MSH3: variants seen among roughly 807,000 people sequenced by gnomAD.
The protein encoded by MSH3 is DNA mismatch repair protein Msh3.
In MSH3, 106 loss-of-function variants were observed where a neutral mutation model predicts 123.3. That is an observed-to-expected ratio of 0.86 (90% CI 0.73 to 1.01). The LOEUF (loss-of-function observed/expected upper bound fraction) is 1.01, where lower values mean the gene tolerates loss of function less well. MSH3 is among the 50% of genes least tolerant of loss of function. The pLI is 0.00. For missense variants in MSH3, 1,459 were observed against 1,347.6 expected (o/e 1.08, Z -1.29); for synonymous variants, 515 against 481.4 (o/e 1.07, Z -0.91).
intron 15 of MSH3, 25 bp from the exon 16 acceptor site, chr5:80,775,669 C>T: frequency 7.7e-7 from 1 of 1,299,202 alleles, no homozygotes; most frequent in Non-Finnish European, 1.1e-6. Context: ...TTATCTAAAT[C>T]TCTGTTTATT....
rs201905480 is a variant in MSH3, at chr5:80,851,568, AG to A, written c.2814-2561del. Reference sequence around the variant, plus strand: ...TTAAGTGCTCATTATAATTACTGTAAGTTTTTTCTCAGTTTGTGGTTTGCCT... The same window carrying A: ...TTAAGTGCTCATTATAATTACTGTAATTTTTTCTCAGTTTGTGGTTTGCCT... On this transcript the variant is annotated intron_variant, in intron 20 of 23. Coordinates refer to ENST00000265081, the MANE Select transcript of MSH3 (RefSeq NM_002439.5). 4.9e-3 allele frequency among the ~76,000 whole-genome samples: 750 copies of A among 151,974 alleles called. 5 individuals carry two copies. The highest frequency in any genetic ancestry group is 5.4e-3 in the Non-Finnish European group (368 of 67,948).
intron 20 of MSH3, among the ~76,000 whole-genome samples, chr5:80,848,083 T>TA (rs1745756472): frequency 1.3e-5 from 2 of 152,068 alleles, no homozygotes; most frequent in Non-Finnish European, 2.9e-5. Flanking sequence ...ATACAAAAAA[T>TA]AAAAAATTAG....
intron 8 of MSH3, among the ~76,000 whole-genome samples, chr5:80,707,126 G>A (rs565277198): frequency 6.4e-4 from 97 of 152,334 alleles, no homozygotes; most frequent in African/African-American, 2.2e-3. Flanking sequence ...AGTGGAGTCA[G>A]TACAGTGCAT....
chr5:80,723,208 G>C (rs1172431033), intron 8 of MSH3, among the ~76,000 whole-genome samples: 1 of 152,132 alleles, frequency 6.6e-6, no homozygotes, highest in Non-Finnish European at 1.5e-5. Flanking sequence ...AAAGGGCCAG[G>C]AGTAGCCAAG....
chr5:80,711,843 A>C (rs535953940), intron 8 of MSH3, among the ~76,000 whole-genome samples: 1 of 151,992 alleles, frequency 6.6e-6, no homozygotes, highest in East Asian at 1.9e-4. Flanking sequence ...TAGTAGAGAC[A>C]GGGTTTCACC....
intron 20 of MSH3, among the ~76,000 whole-genome samples, chr5:80,825,793 ATTAC>A (rs1384476444): frequency 6.6e-6 from 1 of 152,214 alleles, no homozygotes. Flanking sequence ...TTTCATTTTT[ATTAC>A]TTAATGTCCT....
At chr5:80,739,575 G>C (rs1038918810) in intron 10 of MSH3, among the ~76,000 whole-genome samples, 1 of 152,192 alleles carries the variant, frequency 6.6e-6, no homozygotes, top group African/African-American at 2.4e-5. Flanking sequence ...ATAAATTGCT[G>C]TAATTCAAGA....
intron 13 of MSH3, among the ~76,000 whole-genome samples, chr5:80,766,094 G>A (rs979893735): frequency 2.6e-5 from 4 of 151,866 alleles, no homozygotes; most frequent in African/African-American, 9.7e-5. Context: ...CTTGTTTCAT[G>A]GTTGTAGTAT....
chr5:80,847,221 G>A (rs1745740719), intron 20 of MSH3, among the ~76,000 whole-genome samples: 1 of 151,980 alleles, frequency 6.6e-6, no homozygotes, highest in South Asian at 2.1e-4. Flanking sequence ...CACTACCCTT[G>A]CATAATTTCT....
chr5:80,830,856 AATTGAAAG>A (rs1269466618), intron 20 of MSH3, among the ~76,000 whole-genome samples: 1 of 152,216 alleles, frequency 6.6e-6, no homozygotes, highest in Non-Finnish European at 1.5e-5. Flanking sequence ...TTTCCACGGA[AATTGAAAG>A]ATTGCTACAG....
chr5:80,721,635 A>G (rs1751078956), intron 8 of MSH3, among the ~76,000 whole-genome samples: 1 of 152,150 alleles, frequency 6.6e-6, no homozygotes, highest in Non-Finnish European at 1.5e-5. Context: ...GGTTCTTAAT[A>G]TCTTGAGATG....
intron 20 of MSH3, among the ~76,000 whole-genome samples, chr5:80,849,358 G>C (rs1188163752): frequency 6.6e-6 from 1 of 152,134 alleles, no homozygotes; most frequent in African/African-American, 2.4e-5. Flanking sequence ...TCTTCTCACA[G>C]TTCCACTAGA....
rs1005641394 is a variant in MSH3, at chr5:80,876,283, A to C, written c.*421A>C. The C allele has an allele frequency of 8.9e-6, 2 of 223,588 alleles. No individual in the cohort carries two copies. The highest frequency in any genetic ancestry group is 1.5e-3 in the Middle Eastern group (1 of 682). The allele number at this position is 223,588 out of a possible 1,614,324, so 13.9% of individuals were successfully genotyped here. ...ATTTTATTATGCAACCAGTTTATCCACCAAGAACATAAGAATTTTTTATAA... is the reference window on the plus strand; with the variant it reads ...ATTTTATTATGCAACCAGTTTATCCCCCAAGAACATAAGAATTTTTTATAA... On this transcript the variant is annotated 3_prime_UTR_variant, in exon 24 of 24. Transcript: ENST00000265081.
In MSH3 at chr5:80,787,639, T is replaced by C; in HGVS notation, c.2510T>C (p.Leu837Pro). The C allele has an allele frequency of 6.2e-7, 1 of 1,613,934 alleles. No individual in the cohort carries two copies. The highest frequency in any genetic ancestry group is 8.5e-7 in the Non-Finnish European group (1 of 1,179,830). The part of the protein sequence containing the change: ...HLATVDCIFS[L>P]AKVAKQGDYC... ...GCAACTGTTGACTGCATTTTCTCCC[T>C]GGCCAAGGTCGCTAAGCAAGGAGAT... Residue 837 changes from leucine to proline, a missense_variant, in exon 18 of 24, where the codon CTG becomes CCG. By Grantham distance (98) the Leu-to-Pro change is moderately conservative. Coordinates refer to ENST00000265081, the MANE Select transcript of MSH3 (RefSeq NM_002439.5).
intron 20 of MSH3, among the ~76,000 whole-genome samples, chr5:80,840,737 C>T (rs1745606782): frequency 1.3e-5 from 2 of 151,536 alleles, no homozygotes; most frequent in South Asian, 4.2e-4. Context: ...TAATACTATC[C>T]CTCCCCCAGC....
chr5:80,811,072 C>T (rs970395610), intron 19 of MSH3, among the ~76,000 whole-genome samples: 4 of 152,004 alleles, frequency 2.6e-5, no homozygotes, highest in Admixed American at 6.5e-5. Context: ...TGTCCCCAAG[C>T]GTTTTGGATA....
chr5:80,857,649 T>G (rs1322848514), intron 21 of MSH3, among the ~76,000 whole-genome samples: 1 of 152,228 alleles, frequency 6.6e-6, no homozygotes, highest in East Asian at 1.9e-4. Flanking sequence ...TCAAGAAATT[T>G]TCACCAAGGT....
chr5:80,862,760 T>TA (rs906025326), intron 21 of MSH3, among the ~76,000 whole-genome samples: 57 of 146,332 alleles, frequency 3.9e-4, no homozygotes, highest in South Asian at 6.4e-4. Context: ...ACCCTGTCTC[T>TA]AAAAAAAAAA....
In MSH3 at chr5:80,678,890, A is replaced by AT. The variant is rs1749900875; in HGVS notation, c.1174-31dup. 5 of 1,612,532 alleles carry AT rather than the reference A, an allele frequency of 3.1e-6. No individual in the cohort carries two copies. The East Asian group carries it at 8.9e-5, about 29-fold the overall frequency. On this transcript the variant is annotated intron_variant, in intron 7 of 23. Transcript: ENST00000265081. ...GTTATAGCCATAACTGGGGAAATAC[A>AT]TTTTTTCTGTAACATTATATTTGTA...
Sources: gnomAD v4.1 joint callset for allele counts (sites outside exome capture counted in the v4.1 genomes callset) on GRCh38, gnomAD v4.1.1 for gene constraint, MANE v1.5 for transcripts, NCBI Gene and HGNC (gene_info 2026-07-23, HGNC 2026-07-21) for gene names.